GALNT13: variants seen among roughly 807,000 people sequenced by gnomAD.
GALNT13 encodes polypeptide N-acetylgalactosaminyltransferase 13.
GALNT13 carries 28 observed loss-of-function variants against 64.2 expected under a neutral mutation model. The observed-to-expected ratio is 0.44, with a 90% confidence interval of 0.32 to 0.60. The LOEUF is 0.60. Among genes scored for constraint, GALNT13 ranks in the 20% least tolerant of loss-of-function variants. The pLI, the probability that GALNT13 is intolerant of heterozygous loss-of-function variation, is 0.05. For synonymous variants in GALNT13, 214 were observed against 224.6 expected (o/e 0.95, Z 0.42); for missense variants, 577 against 669.8 (o/e 0.86, Z 1.53).
At chr2:153,397,020 A>G in the GALNT13 span, among the ~76,000 whole-genome samples, 2 of 152,108 alleles carry the variant, frequency 1.3e-5, no homozygotes, top group South Asian at 2.1e-4. Context: ...TGGAACAGTG[A>G]ATTGGGAGTT....
the GALNT13 span, among the ~76,000 whole-genome samples, chr2:153,287,373 CAGTT>C: frequency 6.6e-6 from 1 of 152,190 alleles, no homozygotes; most frequent in Non-Finnish European, 1.5e-5. Context: ...TTAGTCAGCT[CAGTT>C]AGACCCTCTC....
chr2:154,244,098 T>C (rs1320665262), intron 6 of GALNT13, among the ~76,000 whole-genome samples: 1 of 151,786 alleles, frequency 6.6e-6, no homozygotes, highest in Non-Finnish European at 1.5e-5. Context: ...GTACATTATG[T>C]TGTTTTTTTT....
At chr2:153,375,931 A>G in the GALNT13 span, among the ~76,000 whole-genome samples, 1 of 152,108 alleles carries the variant, frequency 6.6e-6, no homozygotes, top group Non-Finnish European at 1.5e-5. Flanking sequence ...GCTTCCACGC[A>G]TGGAGGAGAT....
the GALNT13 span, among the ~76,000 whole-genome samples, chr2:153,635,566 G>A: frequency 6.6e-6 from 1 of 151,850 alleles, no homozygotes; most frequent in South Asian, 2.1e-4. Flanking sequence ...ATTAGGGCAA[G>A]AAGTTGGAAA....
At chr2:154,338,281 TTAAA>T (rs1210227644) in intron 9 of GALNT13, among the ~76,000 whole-genome samples, 4 of 152,152 alleles carry the variant, frequency 2.6e-5, no homozygotes, top group African/African-American at 9.6e-5. Context: ...TTGTACCAAA[TTAAA>T]TACAGAATAA....
the GALNT13 span, among the ~76,000 whole-genome samples, chr2:153,372,096 A>G: frequency 1.3e-5 from 2 of 152,126 alleles, no homozygotes; most frequent in African/African-American, 4.8e-5. Flanking sequence ...TTTCTGACTT[A>G]GTGTGTGTTG....
the GALNT13 span, among the ~76,000 whole-genome samples, chr2:153,577,573 C>T: frequency 6.6e-6 from 1 of 151,956 alleles, no homozygotes; most frequent in Non-Finnish European, 1.5e-5. Context: ...GAAAGAAAAG[C>T]GTGCTTTTCA....
chr2:153,658,313 A>G, the GALNT13 span, among the ~76,000 whole-genome samples: 346 of 152,266 alleles, frequency 2.3e-3, no homozygotes, highest in African/African-American at 8.0e-3. Flanking sequence ...CACTTCTGCC[A>G]ATGGCCAACT....
chr2:153,323,479 A>T, the GALNT13 span, among the ~76,000 whole-genome samples: 1 of 152,058 alleles, frequency 6.6e-6, no homozygotes, highest in Admixed American at 6.6e-5. Context: ...GCTGTGCAGA[A>T]GCTCTTCAGT....
At chr2:154,328,170 A>G (rs1694977040) in intron 9 of GALNT13, among the ~76,000 whole-genome samples, 2 of 152,066 alleles carry the variant, frequency 1.3e-5, no homozygotes. Flanking sequence ...TCTGCATCTT[A>G]ATTGTATCAT....
chr2:153,213,494 A>T, the GALNT13 span, among the ~76,000 whole-genome samples: 2 of 152,220 alleles, frequency 1.3e-5, no homozygotes, highest in African/African-American at 4.8e-5. Flanking sequence ...CAGTGGAAGG[A>T]TGTACAGAAA....
At chr2:154,326,174 T>C (rs1033595695) in intron 9 of GALNT13, among the ~76,000 whole-genome samples, 3 of 152,154 alleles carry the variant, frequency 2.0e-5, no homozygotes, top group Non-Finnish European at 4.4e-5. Flanking sequence ...AAAAATTGCT[T>C]GTTCTCATTT....
chr2:154,383,397 GA>G (rs1193437908), intron 9 of GALNT13, among the ~76,000 whole-genome samples: 5 of 150,608 alleles, frequency 3.3e-5, no homozygotes, highest in African/African-American at 7.3e-5. Flanking sequence ...CATTCCTGCT[GA>G]AAAAAAAATT....
At chr2:153,859,532 A>T in the GALNT13 span, among the ~76,000 whole-genome samples, 1 of 152,200 alleles carries the variant, frequency 6.6e-6, no homozygotes, top group African/African-American at 2.4e-5. Context: ...AAAATATAAC[A>T]AATTGTTTCA....
chr2:153,079,712 A>G, the GALNT13 span, among the ~76,000 whole-genome samples: 1 of 152,192 alleles, frequency 6.6e-6, no homozygotes, highest in African/African-American at 2.4e-5. Context: ...CCTAGGCCAT[A>G]CAGGTTGTCC....
At chr2:153,231,091 C>G in the GALNT13 span, among the ~76,000 whole-genome samples, 1 of 152,150 alleles carries the variant, frequency 6.6e-6, no homozygotes, top group Non-Finnish European at 1.5e-5. Flanking sequence ...CCTCTAAGCT[C>G]CTTCATCGGT....
At chr2:153,817,322 C>G in the GALNT13 span, among the ~76,000 whole-genome samples, 2 of 152,222 alleles carry the variant, frequency 1.3e-5, no homozygotes, top group Non-Finnish European at 2.9e-5. Context: ...CTAGGCCTAT[C>G]TGCATACTTT....
At chr2:153,622,272 T>C in the GALNT13 span, among the ~76,000 whole-genome samples, 1 of 152,114 alleles carries the variant, frequency 6.6e-6, no homozygotes, top group African/African-American at 2.4e-5. Flanking sequence ...TAATTTAAAT[T>C]TCACAGAGAT....
At chr2:153,147,578 T>C in the GALNT13 span, among the ~76,000 whole-genome samples, 2 of 151,322 alleles carry the variant, frequency 1.3e-5, no homozygotes, top group African/African-American at 4.9e-5. Flanking sequence ...CTAGAAGTTT[T>C]GAAATCGGTT....
Sources: gnomAD v4.1 joint callset for allele counts (sites outside exome capture counted in the v4.1 genomes callset) on GRCh38, gnomAD v4.1.1 for gene constraint, MANE v1.5 for transcripts, NCBI Gene and HGNC (gene_info 2026-07-23, HGNC 2026-07-21) for gene names.